The following ARHGAP8 variants were observed in gnomAD, a reference collection of about 807,000 sequenced individuals.
ARHGAP8 encodes Rho GTPase activating protein 8, also known as rho GTPase-activating protein 8.
ARHGAP8 carries 62 observed loss-of-function variants against 46.1 expected under a neutral mutation model. The observed-to-expected ratio is 1.34, with a 90% CI of 1.10 to 1.66. The LOEUF is 1.66. Ranked by LOEUF, ARHGAP8 falls within the 40% of genes most tolerant of loss-of-function variation. The pLI, the probability that ARHGAP8 is intolerant of heterozygous loss-of-function variation, is 0.00. For synonymous variants in ARHGAP8, 375 were observed against 243.1 expected (o/e 1.54, Z -5.05); for missense variants, 923 against 568.4 (o/e 1.62, Z -6.34).
At chr22:44,770,420 T>C (rs1925913568) in intron 1 of ARHGAP8, among the ~76,000 whole-genome samples, 1 of 150,110 alleles carries the variant, frequency 6.7e-6, no homozygotes, top group African/African-American at 2.5e-5. Flanking sequence ...TTTTTTTTCT[T>C]TTTGAGACAG....
intron 10 of ARHGAP8, among the ~76,000 whole-genome samples, chr22:44,851,666 C>T (rs1254584912): frequency 6.6e-6 from 1 of 152,086 alleles, no homozygotes; most frequent in African/African-American, 2.4e-5. Flanking sequence ...TAGTGAGACC[C>T]CATCTCTACA....
At chr22:44,853,617 C>G (rs2070148743) in intron 10 of ARHGAP8, among the ~76,000 whole-genome samples, 1 of 152,196 alleles carries the variant, frequency 6.6e-6, no homozygotes, top group Non-Finnish European at 1.5e-5. Context: ...ATAAGGGCAG[C>G]AAGAATGGGA....
At chr22:44,854,049 A>C (rs942706130) in intron 10 of ARHGAP8, among the ~76,000 whole-genome samples, 9 of 140,046 alleles carry the variant, frequency 6.4e-5, no homozygotes, top group Middle Eastern at 7.2e-3. Flanking sequence ...AAAAAAAAAA[A>C]AAAAAAAAAA....
chr22:44,828,901 C>G (rs1369932081), intron 7 of ARHGAP8, among the ~76,000 whole-genome samples: 1 of 151,982 alleles, frequency 6.6e-6, no homozygotes, highest in Non-Finnish European at 1.5e-5. Flanking sequence ...CTGGGAGATT[C>G]CAGCCACGCC....
chr22:44,842,149 G>A (rs1931693660), intron 7 of ARHGAP8, among the ~76,000 whole-genome samples: 1 of 152,166 alleles, frequency 6.6e-6, no homozygotes, highest in Admixed American at 6.5e-5. Flanking sequence ...ACATGGTCAA[G>A]AGATAGAGAT....
chr22:44,845,774 A>G (rs150012253), intron 8 of ARHGAP8, among the ~76,000 whole-genome samples: 3,735 of 152,220 alleles, frequency 0.025, 73 homozygotes, highest in Non-Finnish European at 0.037. Flanking sequence ...GCAGTCAAGA[A>G]CTTGGAGTGG....
intron 10 of ARHGAP8, among the ~76,000 whole-genome samples, chr22:44,852,687 A>T (rs904912888): frequency 1.2e-4 from 18 of 152,150 alleles, no homozygotes; most frequent in African/African-American, 4.1e-4. Context: ...TGGAGGTGGG[A>T]GTAGGGTGAC....
In ARHGAP8 at chr22:44,859,934, C is replaced by A. The variant is rs545798254; in HGVS notation, c.981+100C>A. ...CCCCTCCTTGCCCTGGGTCTGGGGTCATGCCCTGCTTGGGCCTCGGAATAC... is the reference window on the plus strand; with the variant it reads ...CCCCTCCTTGCCCTGGGTCTGGGGTAATGCCCTGCTTGGGCCTCGGAATAC... On this transcript the variant is annotated intron_variant, in intron 11 of 11. Coordinates refer to ENST00000356099, the MANE Select transcript of ARHGAP8 (RefSeq NM_181335.3). 8.6e-6 allele frequency: 12 copies of A among 1,391,718 alleles called. No individual in the cohort carries two copies. In the East Asian group the frequency reaches 2.4e-4, roughly 27 times the overall value. 86.2% of individuals were successfully genotyped at this position (1,391,718 alleles called of 1,614,324 possible). A position where few individuals can be genotyped will look rare whatever the true frequency, so the allele number is the denominator to read the frequency against.
At chr22:44,855,688 C>G (rs1162489417) in intron 10 of ARHGAP8, among the ~76,000 whole-genome samples, 1 of 152,222 alleles carries the variant, frequency 6.6e-6, no homozygotes, top group South Asian at 2.1e-4. Context: ...ACCCATAAGA[C>G]TTTTTGTGGC....
intron 1 of ARHGAP8, among the ~76,000 whole-genome samples, chr22:44,762,543 CTTTTTTT>C (rs11293128): frequency 1.2e-4 from 14 of 120,344 alleles, no homozygotes; most frequent in Non-Finnish European, 1.9e-4. Flanking sequence ...CTCTCTCTCT[CTTTTTTT>C]TTTTTTTTTT....
At chr22:44,853,430 G>T (rs1482454502) in intron 10 of ARHGAP8, among the ~76,000 whole-genome samples, 1 of 152,202 alleles carries the variant, frequency 6.6e-6, no homozygotes. Context: ...GAGAAAACTG[G>T]AAATGTTAGC....
intron 1 of ARHGAP8, among the ~76,000 whole-genome samples, chr22:44,760,370 C>G (rs1569131178): frequency 2.6e-5 from 4 of 152,218 alleles, no homozygotes; most frequent in Admixed American, 2.0e-4. Flanking sequence ...CCCATCATTC[C>G]TGGACTTTCC....
chr22:44,782,292 G>A (rs1055324419), intron 1 of ARHGAP8, among the ~76,000 whole-genome samples: 2 of 152,118 alleles, frequency 1.3e-5, no homozygotes, highest in African/African-American at 2.4e-5. Context: ...AGCCAAGATC[G>A]CACCAGTGCA....
intron 10 of ARHGAP8, among the ~76,000 whole-genome samples, chr22:44,858,552 AAG>A (rs2070313359): frequency 9.7e-6 from 1 of 103,196 alleles, no homozygotes. Flanking sequence ...TTTTTTTTTT[AAG>A]TAACAGGGTT....
At chr22:44,817,448 C>G (rs1031850807) in intron 5 of ARHGAP8, among the ~76,000 whole-genome samples, 3 of 152,214 alleles carry the variant, frequency 2.0e-5, no homozygotes, top group African/African-American at 7.2e-5. Flanking sequence ...CCCTTGTGCC[C>G]TATGTGACAT....
chr22:44,762,131 TG>T (rs1013938758), intron 1 of ARHGAP8, among the ~76,000 whole-genome samples: 1 of 152,106 alleles, frequency 6.6e-6, no homozygotes, highest in Non-Finnish European at 1.5e-5. Context: ...GACCTGCAGG[TG>T]GGGGCTGTGG....
At chr22:44,861,168 C>T (rs1035038558) in intron 11 of ARHGAP8, among the ~76,000 whole-genome samples, 10 of 152,088 alleles carry the variant, frequency 6.6e-5, no homozygotes, top group Non-Finnish European at 8.8e-5. Context: ...GATGGGGTTT[C>T]GTCACATTGG....
intron 4 of ARHGAP8, among the ~76,000 whole-genome samples, chr22:44,813,112 G>T (rs1386129757): frequency 1.3e-5 from 2 of 152,088 alleles, no homozygotes; most frequent in Non-Finnish European, 2.9e-5. Context: ...CAGTCGCCCT[G>T]GCTCCCTGTA....
At position 44,860,835 on chromosome 22, in the gene ARHGAP8, A is replaced by G. The variant is rs533570363; in HGVS notation, c.981+1001A>G. On this transcript the variant is annotated intron_variant, in intron 11 of 11. Transcript: ENST00000356099. ...CGGCCTTGAATGTTTAACCCCCTCC[A>G]TCTCTCCAGGCCTTCGCCCCAGGCT... Among the ~76,000 whole-genome samples, 7 of 152,262 alleles carry G rather than the reference A, an allele frequency of 4.6e-5. No individual in the cohort carries two copies. In the South Asian group the frequency reaches 8.3e-4, roughly 18 times the overall value.
Sources: gnomAD v4.1 joint callset for allele counts (sites outside exome capture counted in the v4.1 genomes callset) on GRCh38, gnomAD v4.1.1 for gene constraint, MANE v1.5 for transcripts, NCBI Gene and HGNC (gene_info 2026-07-23, HGNC 2026-07-21) for gene names.